DENND2A: variants seen among roughly 807,000 people sequenced by gnomAD.
DENND2A encodes DENN domain containing 2A.
In DENND2A, 53 loss-of-function variants were observed where a neutral mutation model predicts 105.3. The observed-to-expected ratio is 0.50, with a 90% CI of 0.40 to 0.63. The LOEUF is 0.63. Among genes scored for constraint, DENND2A ranks in the 30% least tolerant of loss-of-function variants. DENND2A has a pLI of 0.00. For missense variants in DENND2A, 1,138 were observed against 1,279.6 expected (o/e 0.89, Z 1.69); for synonymous variants, 522 against 508.4 (o/e 1.03, Z -0.36).
At position 140,521,135 on chromosome 7, in the gene DENND2A, G is replaced by A. The variant is rs554188476; in HGVS notation, c.2911+720C>T. Among the ~76,000 whole-genome samples the A allele has an allele frequency of 1.4e-3, 208 of 149,038 alleles. No individual in the cohort carries two copies. The Middle Eastern group carries it at 0.018, about 13-fold the overall frequency. ...AGGTGATCCGCCTGCCTTGGCCTCC[G>A]AAAGTGCTGGGATTACAGGCGTGAG... On this transcript the variant is annotated intron_variant, in intron 18 of 19. Transcript: ENST00000496613.
chr7:140,548,860 A>G (rs1048929347), intron 12 of DENND2A, among the ~76,000 whole-genome samples: 1 of 151,426 alleles, frequency 6.6e-6, no homozygotes, highest in Non-Finnish European at 1.5e-5. Context: ...TGATCCACCC[A>G]CCTCGGCTTC....
chr7:140,527,519 A>T lies in DENND2A; in HGVS notation c.2328-24T>A, dbSNP rs544143678. 1 of 1,574,816 alleles carries T rather than the reference A, an allele frequency of 6.3e-7. No homozygotes were observed. Among genetic ancestry groups the T allele is most frequent in the South Asian group, 1.2e-5 (1 of 86,454 alleles). On this transcript the variant is annotated intron_variant, in intron 14 of 19. Coordinates refer to ENST00000496613, the MANE Select transcript of DENND2A (RefSeq NM_015689.5). This position sits in a 1 kb window ranked among gnomAD's most constrained non-coding sequence, Gnocchi z 4.9. ...TGCTGCAGCCGGGGAGAGAACAGGG[A>T]GAGAGGCCGACTCAGCGAGGGCCCG...
intron 14 of DENND2A, among the ~76,000 whole-genome samples, chr7:140,543,116 CTTTTCTTTTTT>C (rs1271931716): frequency 2.0e-5 from 2 of 99,194 alleles, no homozygotes; most frequent in African/African-American, 6.5e-5. Flanking sequence ...TTTTTCTTTT[CTTTTCTTTTTT>C]TTTTTTTTTT....
chr7:140,546,738 G>A (rs892407733), intron 13 of DENND2A, 61 bp downstream of exon 13: 297 of 1,594,382 alleles, frequency 1.9e-4, no homozygotes, highest in Non-Finnish European at 1.1e-4. Flanking sequence ...CTCTGAGCAC[G>A]GAGACTCGGC....
At chr7:140,591,711 T>TCCTTCTTTC (rs1554475953) in intron 3 of DENND2A, among the ~76,000 whole-genome samples, 2 of 146,544 alleles carry the variant, frequency 1.4e-5, no homozygotes, top group African/African-American at 5.2e-5. Flanking sequence ...CCTTCCTTCT[T>TCCTTCTTTC]TCTCTCTCTT....
intron 16 of DENND2A, 23 bp downstream of exon 16, chr7:140,525,728 A>G: frequency 6.3e-7 from 1 of 1,599,348 alleles, no homozygotes; most frequent in Non-Finnish European, 8.5e-7. Flanking sequence ...AGGGAGCAGG[A>G]GGCCGTCGCT....
At chr7:140,634,576 AT>A (rs1211254119) in intron 1 of DENND2A, among the ~76,000 whole-genome samples, 1 of 152,142 alleles carries the variant, frequency 6.6e-6, no homozygotes, top group African/African-American at 2.4e-5. Flanking sequence ...AAAATTAGAA[AT>A]TTAAAATTTT....
chr7:140,521,169 C>T (rs1442751109), intron 18 of DENND2A, among the ~76,000 whole-genome samples: 1 of 151,388 alleles, frequency 6.6e-6, no homozygotes, highest in Non-Finnish European at 1.5e-5. Context: ...AGCCACCATG[C>T]CCGGCTTCCA....
chr7:140,591,785 T>C (rs1049944165), intron 3 of DENND2A, among the ~76,000 whole-genome samples: 1 of 149,662 alleles, frequency 6.7e-6, no homozygotes, highest in Non-Finnish European at 1.5e-5. Flanking sequence ...CTTCCTTTCT[T>C]TCTTTTCTTT....
intron 5 of DENND2A, among the ~76,000 whole-genome samples, chr7:140,574,536 C>T (rs1798225166): frequency 6.6e-6 from 1 of 152,056 alleles, no homozygotes; most frequent in Non-Finnish European, 1.5e-5. Flanking sequence ...TCTTTTTAGA[C>T]AAGTGCGAGG....
intron 1 of DENND2A, among the ~76,000 whole-genome samples, chr7:140,637,182 C>A (rs1269414483): frequency 1.3e-4 from 19 of 144,268 alleles, no homozygotes; most frequent in Non-Finnish European, 2.3e-4. Context: ...GATGGGGTCT[C>A]GCCATGTTGC....
chr7:140,535,406 A>C (rs1458838110), intron 14 of DENND2A, among the ~76,000 whole-genome samples: 1 of 152,066 alleles, frequency 6.6e-6, no homozygotes, highest in African/African-American at 2.4e-5. Context: ...TGTGCCACAC[A>C]GTTGAAAACG....
intron 9 of DENND2A, among the ~76,000 whole-genome samples, chr7:140,565,054 T>C (rs771873646): frequency 6.6e-6 from 1 of 152,184 alleles, no homozygotes; most frequent in Non-Finnish European, 1.5e-5. Flanking sequence ...TTTACTTCAA[T>C]CTACATAATT....
At chr7:140,561,615 T>C (rs1479897710) in intron 9 of DENND2A, among the ~76,000 whole-genome samples, 1 of 149,044 alleles carries the variant, frequency 6.7e-6, no homozygotes, top group African/African-American at 2.5e-5. Flanking sequence ...GTGATTCTCC[T>C]GCCTCAGCCT....
Position 140,527,621 on chromosome 7 carries a change from GGAGCACAT to G in DENND2A, c.2328-134_2328-127del, listed in dbSNP as rs1290208684. On this transcript the variant is annotated intron_variant, in intron 14 of 19. Transcript: ENST00000496613. The surrounding 1 kb of genome is among the most constrained non-coding windows in gnomAD (Gnocchi z 4.9). Reference sequence around the variant, plus strand: ...GGACACACGTGGATGTGGATCCGGTGGAGCACATGATGGTCTCAGCACAGGCCACACCA... The same window carrying G: ...GGACACACGTGGATGTGGATCCGGTGGATGGTCTCAGCACAGGCCACACCA... 9.7e-7 allele frequency: 1 copy of G among 1,027,470 alleles called. No individual in the cohort carries two copies. Among genetic ancestry groups the G allele is most frequent in the Admixed American group, 2.7e-5 (1 of 36,638 alleles). 63.6% of individuals were successfully genotyped at this position (1,027,470 alleles called of 1,614,324 possible). A position where few individuals can be genotyped will look rare whatever the true frequency, so the allele number is the denominator to read the frequency against.
intron 12 of DENND2A, among the ~76,000 whole-genome samples, chr7:140,552,838 CATTA>C (rs1797194409): frequency 6.6e-6 from 1 of 152,166 alleles, no homozygotes; most frequent in Non-Finnish European, 1.5e-5. Flanking sequence ...CCTGACCAGG[CATTA>C]ATTCTTTCTA....
In DENND2A at chr7:140,567,280, G is replaced by T. The variant is rs373668345; in HGVS notation, c.1592-7C>A. ...ACCAGGCGCTGGCTGTGAGCTGGGT[G>T]AGGGAGGGAGAGAGAAAGAGAGAAA... On this transcript the variant is annotated splice_region_variant and splice_polypyrimidine_tract_variant and intron_variant, in intron 8 of 19. Transcript: ENST00000496613. 2.4e-4 allele frequency: 378 copies of T among 1,588,590 alleles called. No individual in the cohort carries two copies. Among genetic ancestry groups the T allele is most frequent in the Non-Finnish European group, 3.2e-4 (368 of 1,167,050 alleles).
intron 12 of DENND2A, among the ~76,000 whole-genome samples, chr7:140,553,692 G>A (rs1797238073): frequency 6.6e-6 from 1 of 152,232 alleles, no homozygotes; most frequent in Non-Finnish European, 1.5e-5. Flanking sequence ...AGGGATTGGT[G>A]ATGACTCTTA....
At chr7:140,622,857 C>T (rs1344432451) in intron 1 of DENND2A, among the ~76,000 whole-genome samples, 1 of 151,862 alleles carries the variant, frequency 6.6e-6, no homozygotes, top group Non-Finnish European at 1.5e-5. Flanking sequence ...CAGGCGTGAG[C>T]CATCATGCCA....
Sources: gnomAD v4.1 joint callset for allele counts (sites outside exome capture counted in the v4.1 genomes callset) on GRCh38, gnomAD v4.1.1 for gene constraint, Gnocchi (gnomAD v3.1) non-coding constraint, MANE v1.5 for transcripts, NCBI Gene and HGNC (gene_info 2026-07-23, HGNC 2026-07-21) for gene names.